VCAN: variants seen among roughly 807,000 people sequenced by gnomAD.
VCAN encodes the protein versican core protein.
A neutral mutation model predicts 245.5 loss-of-function variants in VCAN; 44 were observed. The ratio of observed to expected loss-of-function variants is 0.18; its 90% CI spans 0.14 to 0.23. VCAN has a LOEUF of 0.23. Ranked by LOEUF, VCAN falls within the 10% of genes least tolerant of loss-of-function variation. The probability of loss-of-function intolerance (pLI) is 1.00; values close to 1 mark genes in which losing one functional copy is unlikely to be tolerated. For synonymous variants in VCAN, 1,413 were observed against 1,437.0 expected, an observed-to-expected ratio of 0.98 and a Z score of 0.38; for missense variants, 3,793 against 4,057.9, an observed-to-expected ratio of 0.93 and a Z score of 1.77.
At position 83,520,056 on chromosome 5, in the gene VCAN, A is replaced by G; in HGVS notation, c.1750A>G (p.Lys584Glu). ...DQIPEVITVS[K>E]TSEDTIHTHL... Reference sequence around the variant, plus strand: ...AATTCCTGAAGTCATTACGGTGTCAAAGACTTCAGAAGACACCATCCACAC... The same window carrying G: ...AATTCCTGAAGTCATTACGGTGTCAGAGACTTCAGAAGACACCATCCACAC... Residue 584 changes from lysine (K) to glutamate (E), a missense_variant, in exon 7 of 15, where the codon AAG becomes GAG. This residue lies in a region of VCAN where 3,182 missense variants were observed against 3,250.3 expected (regional missense o/e 0.98). Coordinates refer to ENST00000265077, the MANE Select transcript of VCAN (RefSeq NM_004385.5). 7 of 1,614,084 alleles carry G rather than the reference A, an allele frequency of 4.3e-6. No homozygotes were observed. The highest frequency in any genetic ancestry group is 5.9e-6 in the Non-Finnish European group (7 of 1,179,970).
chr5:83,541,765 T>A lies in VCAN; in HGVS notation c.8762T>A (p.Ile2921Asn). The change falls in exon 8 of 15, where the codon ATT becomes AAT. Residue 2921 changes from isoleucine to asparagine, a missense_variant. Transcript: ENST00000265077. Reference sequence around the variant, plus strand: ...ATGGAAGCTTCTCCCACAGAACTTATTGCTGTGGAAGGAACTGAGATTCTC... The same window carrying A: ...ATGGAAGCTTCTCCCACAGAACTTAATGCTGTGGAAGGAACTGAGATTCTC... ...EEMEASPTEL[I>N]AVEGTEILQD... 6.2e-7 allele frequency: 1 copy of A among 1,614,112 alleles called. No homozygotes were observed. The highest frequency in any genetic ancestry group is 8.5e-7 in the Non-Finnish European group (1 of 1,180,004).
intron 7 of VCAN, among the ~76,000 whole-genome samples, chr5:83,529,969 T>C (rs767005455): frequency 4.6e-5 from 7 of 152,132 alleles, no homozygotes; most frequent in Non-Finnish European, 8.8e-5. Context: ...TTCAAGATCA[T>C]TTATGCCACA....
At chr5:83,545,314 G>A (rs141412625) in intron 8 of VCAN, among the ~76,000 whole-genome samples, 3 of 152,226 alleles carry the variant, frequency 2.0e-5, no homozygotes, top group Non-Finnish European at 4.4e-5. Flanking sequence ...AAGAGTAATC[G>A]TGATTGAATC....
chr5:83,533,048 T>A (rs1298482114), intron 7 of VCAN, among the ~76,000 whole-genome samples: 1 of 152,174 alleles, frequency 6.6e-6, no homozygotes, highest in Non-Finnish European at 1.5e-5. Flanking sequence ...AACATCATAT[T>A]GTAAACCTCA....
chr5:83,502,067 T>G (rs1314662434), intron 5 of VCAN, among the ~76,000 whole-genome samples: 1 of 152,178 alleles, frequency 6.6e-6, no homozygotes, highest in Non-Finnish European at 1.5e-5. Context: ...AAATGTAATT[T>G]TCTTAATTTT....
Position 83,520,349 on chromosome 5 carries a change from A to G in VCAN, c.2043A>G (p.Thr681=). ...VIYPSLQTEM[T]HRRERTETLI... ...ATCCTTCTCTACAAACAGAAATGAC[A>G]CATAGAAGAGAAAGAACAGAAACAC... is the stretch of plus-strand genomic sequence containing the variant. The change falls in exon 7 of 15, where the codon ACA becomes ACG. Residue 681 remains threonine (T), a synonymous_variant. Coordinates refer to ENST00000265077, the MANE Select transcript of VCAN (RefSeq NM_004385.5). 1.2e-6 allele frequency: 2 copies of G among 1,612,758 alleles called. No homozygotes were observed. Among genetic ancestry groups the G allele is most frequent in the Non-Finnish European group, 1.7e-6 (2 of 1,179,514 alleles).
intron 2 of VCAN, among the ~76,000 whole-genome samples, chr5:83,484,091 G>A (rs969792350): frequency 2.6e-5 from 4 of 152,068 alleles, no homozygotes; most frequent in African/African-American, 9.7e-5. Flanking sequence ...CTTCCAATGA[G>A]GGCTCTATAA....
At chr5:83,545,287 TACAA>T (rs983982117) in intron 8 of VCAN, among the ~76,000 whole-genome samples, 60 of 152,284 alleles carry the variant, frequency 3.9e-4, no homozygotes, top group African/African-American at 1.4e-3. Context: ...CCAGATACAG[TACAA>T]AAAATATCAT....
intron 12 of VCAN, among the ~76,000 whole-genome samples, chr5:83,569,129 C>G (rs1748189683): frequency 6.6e-6 from 1 of 152,078 alleles, no homozygotes; most frequent in African/African-American, 2.4e-5. Context: ...CCCTTTACTG[C>G]TAATAAACGT....
At chr5:83,545,871 C>T (rs1301568571) in intron 9 of VCAN, among the ~76,000 whole-genome samples, 1 of 152,102 alleles carries the variant, frequency 6.6e-6, no homozygotes, top group African/African-American at 2.4e-5. Flanking sequence ...GTGAGGCCTG[C>T]TGAGTCTTCT....
intron 12 of VCAN, among the ~76,000 whole-genome samples, chr5:83,571,539 T>G (rs1748290258): frequency 6.6e-6 from 1 of 152,080 alleles, no homozygotes. Flanking sequence ...TTGTATATTA[T>G]TGCTCAGAGT....
chr5:83,510,131 T>C (rs1483895676), intron 5 of VCAN, among the ~76,000 whole-genome samples: 4 of 152,224 alleles, frequency 2.6e-5, no homozygotes, highest in African/African-American at 7.2e-5. Flanking sequence ...TACTGTCTTT[T>C]GCCAGACTAG....
Position 83,520,177 on chromosome 5 carries a change from A to T in VCAN, c.1871A>T (p.Glu624Val). Residue 624 changes from glutamate (E) to valine (V), a missense_variant, in exon 7 of 15, where the codon GAG (glutamate) becomes GTG (valine). Physicochemically the swap from Glu to Val is moderately radical, Grantham distance 121 (BLOSUM62 -2). Around this residue, in one of 5 missense-constraint regions of VCAN, gnomAD observed 3,182 missense variants for 3,250.3 expected, o/e 0.98. Transcript: ENST00000265077. ...NNGSSMDDWE[E>V]RQTSGRITEE... ...GGATCATCCATGGATGACTGGGAAG[A>T]GAGACAAACTAGTGGTAGGATAACG... The T allele has an allele frequency of 6.2e-7, 1 of 1,614,034 alleles. No homozygotes were observed. The highest frequency in any genetic ancestry group is 8.5e-7 in the Non-Finnish European group (1 of 1,179,954).
At chr5:83,473,213 G>T (rs1744257859) in intron 1 of VCAN, among the ~76,000 whole-genome samples, 1 of 152,204 alleles carries the variant, frequency 6.6e-6, no homozygotes, top group South Asian at 2.1e-4. Context: ...AGGGCATCCG[G>T]GTTGTTCTGG....
chr5:83,555,820 T>G (rs1747646694), intron 12 of VCAN, among the ~76,000 whole-genome samples: 1 of 152,204 alleles, frequency 6.6e-6, no homozygotes, highest in African/African-American at 2.4e-5. Context: ...CTGTATTTTC[T>G]CAGTGTTCCA....
chr5:83,545,586 T>C lies in VCAN; in HGVS notation c.9315T>C (p.Tyr3105=). Residue 3105 remains tyrosine (Y), a synonymous_variant, in exon 9 of 15, where the codon TAT becomes TAC. Coordinates refer to ENST00000265077, the MANE Select transcript of VCAN (RefSeq NM_004385.5). The stretch of plus-strand genomic sequence containing the variant: ...CGTGCCTTAACGGAGGCACCTGTTA[T>C]CCTACTGAAACTTCCTACGTATGCA... ...MNPCLNGGTC[Y]PTETSYVCTC... 1 of 1,614,158 alleles carries C rather than the reference T, an allele frequency of 6.2e-7. No individual in the cohort carries two copies. The highest frequency in any genetic ancestry group is 8.5e-7 in the Non-Finnish European group (1 of 1,180,000).
At chr5:83,495,746 C>A (rs1233120500) in intron 5 of VCAN, among the ~76,000 whole-genome samples, 2 of 152,122 alleles carry the variant, frequency 1.3e-5, no homozygotes, top group African/African-American at 4.8e-5. Flanking sequence ...GTAGCTTTTG[C>A]AAAAGTATAT....
chr5:83,516,891 T>C (rs2112401046), intron 6 of VCAN, among the ~76,000 whole-genome samples: 3 of 152,364 alleles, frequency 2.0e-5, no homozygotes, highest in Admixed American at 2.0e-4. Flanking sequence ...ATACACTGAC[T>C]TGTGATCAAA....
At chr5:83,489,229 A>G (rs902212388) in intron 2 of VCAN, among the ~76,000 whole-genome samples, 17 of 152,098 alleles carry the variant, frequency 1.1e-4, no homozygotes, top group African/African-American at 3.4e-4. Context: ...TTCCATTATT[A>G]CTAACATATT....
Sources: gnomAD v4.1 joint callset for allele counts (sites outside exome capture counted in the v4.1 genomes callset) on GRCh38, gnomAD v4.1.1 for gene constraint, gnomAD v4.1.1 regional missense constraint, MANE v1.5 for transcripts, NCBI Gene and HGNC (gene_info 2026-07-23, HGNC 2026-07-21) for gene names.